Variants in GNG4 observed in about 807,000 individuals in gnomAD.
The protein encoded by GNG4 is guanine nucleotide-binding protein G(I)/G(S)/G(O) subunit gamma-4.
In GNG4, 4 loss-of-function variants were observed where a neutral mutation model predicts 5.8. The observed-to-expected ratio is 0.69, with a 90% CI of 0.34 to 1.57. GNG4 has a LOEUF of 1.57. Ranked by LOEUF, GNG4 falls within the 40% of genes most tolerant of loss-of-function variation. The pLI, the probability that GNG4 is intolerant of heterozygous loss-of-function variation, is 0.06. For missense variants in GNG4, 96 were observed against 95.1 expected (o/e 1.01, Z -0.04); for synonymous variants, 29 against 32.9 (o/e 0.88, Z 0.41).
At chr1:235,624,845 C>T (rs1688777635) in intron 1 of GNG4, among the ~76,000 whole-genome samples, 1 of 152,192 alleles carries the variant, frequency 6.6e-6, no homozygotes. Context: ...GCCAGTAGTG[C>T]TATTTGCAAA....
intron 3 of GNG4, among the ~76,000 whole-genome samples, chr1:235,581,534 G>T (rs1301074739): frequency 6.6e-6 from 1 of 151,132 alleles, no homozygotes; most frequent in Non-Finnish European, 1.5e-5. Flanking sequence ...AAAAAAAAAA[G>T]GTGTGTATCG....
chr1:235,632,312 C>T (rs1280991790), intron 1 of GNG4, among the ~76,000 whole-genome samples: 1 of 152,114 alleles, frequency 6.6e-6, no homozygotes, highest in East Asian at 1.9e-4. Flanking sequence ...GTCTCCAACT[C>T]CTGGGCTCAA....
At chr1:235,634,667 A>G (rs560247447) in intron 1 of GNG4, among the ~76,000 whole-genome samples, 2 of 152,300 alleles carry the variant, frequency 1.3e-5, no homozygotes, top group South Asian at 2.1e-4. Context: ...TGCTGGCTGG[A>G]CGCAGTGGCT....
At position 235,570,923 on chromosome 1, in the gene GNG4, T is replaced by TACACATATACAC. The variant is rs374579255; in HGVS notation, c.99+12816_99+12817insGTGTATATGTGT. On this transcript the variant is annotated intron_variant, in intron 3 of 3. Coordinates refer to ENST00000391854, the MANE Select transcript of GNG4 (RefSeq NM_001098722.2). The stretch of plus-strand genomic sequence containing the variant: ...GTGTGTGTGTGTATACATATATATA[T>TACACATATACAC]ACACACACACACACACACACACATA... Among the ~76,000 whole-genome samples, 72 of 97,316 alleles carry TACACATATACAC rather than the reference T, an allele frequency of 7.4e-4. 1 individual carries two copies. The highest frequency in any genetic ancestry group is 1.6e-3 in the Admixed American group (15 of 9,148). The allele number at this position is 97,316 out of a possible 152,430, so 63.8% of individuals were successfully genotyped here.
At chr1:235,636,127 G>C (rs1386146177) in intron 1 of GNG4, among the ~76,000 whole-genome samples, 1 of 152,072 alleles carries the variant, frequency 6.6e-6, no homozygotes. Context: ...TCTCTGTAGA[G>C]GGAGAATATC....
chr1:235,609,314 T>G (rs78555861), intron 1 of GNG4, among the ~76,000 whole-genome samples: 5,069 of 152,290 alleles, frequency 0.033, 137 homozygotes, highest in Middle Eastern at 0.085. Flanking sequence ...TGAATAATGC[T>G]GCCACGAACA....
chr1:235,607,563 C>T (rs1688389548), intron 1 of GNG4, among the ~76,000 whole-genome samples: 1 of 152,252 alleles, frequency 6.6e-6, no homozygotes, highest in South Asian at 2.1e-4. Flanking sequence ...ATGCATTGTA[C>T]TTCACAGACT....
Position 235,601,735 on chromosome 1 carries a change from C to T in GNG4, c.-122-6224G>A, listed in dbSNP as rs924872978. ...ACTCACGTCTTGCCAATGGAGATGC[C>T]GACGATGAATGAGTGGAAATGATGG... is the stretch of plus-strand genomic sequence containing the variant. On this transcript the variant is annotated intron_variant, in intron 1 of 3. Transcript: ENST00000391854. 3.9e-5 allele frequency among the ~76,000 whole-genome samples: 6 copies of T among 152,026 alleles called. No homozygotes were observed. The South Asian group carries it at 8.3e-4, about 21-fold the overall frequency.
At chr1:235,647,538 G>A (rs7520676) in intron 1 of GNG4, among the ~76,000 whole-genome samples, 62,499 of 152,042 alleles carry the variant, frequency 0.41, 13,592 homozygotes, top group Non-Finnish European at 0.47. Context: ...TGTGGTAGGC[G>A]TGGGTTTGGG....
intron 1 of GNG4, among the ~76,000 whole-genome samples, chr1:235,599,518 T>C (rs78085796): frequency 6.6e-6 from 1 of 151,988 alleles, no homozygotes; most frequent in South Asian, 2.1e-4. Context: ...GGTTTCACCA[T>C]GTTGGCCAGG....
chr1:235,566,378 C>G (rs1348300544), intron 3 of GNG4, among the ~76,000 whole-genome samples: 1 of 152,170 alleles, frequency 6.6e-6, no homozygotes, highest in African/African-American at 2.4e-5. Context: ...ACCCTATTGT[C>G]AACTGCGCAT....
intron 3 of GNG4, among the ~76,000 whole-genome samples, chr1:235,574,144 G>A (rs1687420306): frequency 6.6e-6 from 1 of 152,150 alleles, no homozygotes; most frequent in Admixed American, 6.5e-5. Context: ...GCCAAGATGG[G>A]AGGATAACTT....
At chr1:235,588,359 G>A (rs1325892620) in intron 2 of GNG4, among the ~76,000 whole-genome samples, 1 of 151,912 alleles carries the variant, frequency 6.6e-6, no homozygotes, top group Non-Finnish European at 1.5e-5. Flanking sequence ...CCTGGACCTG[G>A]CCCCCAGCGG....
chr1:235,583,619 C>G (rs1687695831), intron 3 of GNG4, 121 bp downstream of exon 3: 1 of 637,342 alleles, frequency 1.6e-6, no homozygotes, highest in South Asian at 2.0e-5. Context: ...TTACAGCTGC[C>G]AAGGTTGGCT....
chr1:235,589,296 A>AG (rs745850519), intron 2 of GNG4, among the ~76,000 whole-genome samples: 5 of 152,174 alleles, frequency 3.3e-5, no homozygotes, highest in Non-Finnish European at 5.9e-5. Context: ...GCCAGGGCAC[A>AG]GCACAGTTCA....
chr1:235,583,027 CCT>C (rs1285983726), intron 3 of GNG4, among the ~76,000 whole-genome samples: 3 of 152,148 alleles, frequency 2.0e-5, no homozygotes, highest in African/African-American at 7.2e-5. Context: ...CCAGGTGAGA[CCT>C]CTGATTTGTG....
chr1:235,647,517 A>C (rs1405219496), intron 1 of GNG4, among the ~76,000 whole-genome samples: 1 of 152,216 alleles, frequency 6.6e-6, no homozygotes, highest in Non-Finnish European at 1.5e-5. Flanking sequence ...TTTCTGCATA[A>C]GCAGTAGTTT....
chr1:235,562,613 C>A (rs1254424155), intron 3 of GNG4, among the ~76,000 whole-genome samples: 2 of 145,398 alleles, frequency 1.4e-5, no homozygotes, highest in Non-Finnish European at 3.0e-5. Context: ...CCACTGCACT[C>A]CAGCTTGGGC....
At chr1:235,604,183 C>G (rs1558493832) in intron 1 of GNG4, among the ~76,000 whole-genome samples, 1 of 152,170 alleles carries the variant, frequency 6.6e-6, no homozygotes, top group Non-Finnish European at 1.5e-5. Context: ...CGGTGTTGAC[C>G]GGCACGTATG....
Sources: gnomAD v4.1 joint callset for allele counts (sites outside exome capture counted in the v4.1 genomes callset) on GRCh38, gnomAD v4.1.1 for gene constraint, MANE v1.5 for transcripts, NCBI Gene and HGNC (gene_info 2026-07-23, HGNC 2026-07-21) for gene names.